SCFD1: variants seen among roughly 807,000 people sequenced by gnomAD.
SCFD1 encodes sec1 family domain containing 1.
Under a neutral mutation model 103.2 loss-of-function variants are expected in SCFD1, and 37 were observed. The ratio of observed to expected loss-of-function variants is 0.36; its 90% CI spans 0.28 to 0.47. The LOEUF (loss-of-function observed/expected upper bound fraction) is 0.47, where lower values mean the gene tolerates loss of function less well. Among genes scored for constraint, SCFD1 ranks in the 20% least tolerant of loss-of-function variants. SCFD1 has a pLI of 1.00. For synonymous variants in SCFD1, 264 were observed against 245.0 expected (o/e 1.08, Z -0.73); for missense variants, 639 against 761.2 (o/e 0.84, Z 1.89).
At chr14:30,720,834 A>G (rs969913369) in intron 21 of SCFD1, among the ~76,000 whole-genome samples, 1 of 152,198 alleles carries the variant, frequency 6.6e-6, no homozygotes, top group Non-Finnish European at 1.5e-5. Context: ...TCCTGGAACC[A>G]GTCCTTCATG....
chr14:30,673,680 T>C (rs1888757472), intron 12 of SCFD1, among the ~76,000 whole-genome samples: 2 of 152,206 alleles, frequency 1.3e-5, no homozygotes, highest in Admixed American at 6.5e-5. Context: ...TGTCTCCTTA[T>C]CCAAAAATGC....
intron 23 of SCFD1, among the ~76,000 whole-genome samples, chr14:30,730,456 C>G (rs1887802014): frequency 6.6e-6 from 1 of 152,212 alleles, no homozygotes; most frequent in Non-Finnish European, 1.5e-5. Flanking sequence ...AATGGTTGAA[C>G]TAGTTTACAG....
intron 6 of SCFD1, among the ~76,000 whole-genome samples, chr14:30,642,634 C>T (rs1421576465): frequency 6.6e-6 from 1 of 152,018 alleles, no homozygotes; most frequent in Non-Finnish European, 1.5e-5. Context: ...ATTTGCATTT[C>T]CTTTTCTGGC....
intron 10 of SCFD1, among the ~76,000 whole-genome samples, chr14:30,660,434 C>G (rs1001841619): frequency 8.5e-5 from 13 of 152,206 alleles, no homozygotes; most frequent in Middle Eastern, 3.4e-3. Context: ...TGTTAGTGAA[C>G]AGATTGATCA....
chr14:30,657,560 A>G (rs1887028529), intron 10 of SCFD1, among the ~76,000 whole-genome samples: 1 of 152,208 alleles, frequency 6.6e-6, no homozygotes, highest in South Asian at 2.1e-4. Context: ...AAAGTTGGGA[A>G]TCTTTGAAGA....
chr14:30,705,853 C>G lies in SCFD1; in HGVS notation c.1521C>G (p.Ala507=). Residue 507 remains alanine (A), a synonymous_variant, in exon 18 of 25, where the codon GCC becomes GCG. Transcript: ENST00000458591. The stretch of plus-strand genomic sequence containing the variant: ...TTACCAAGATGGCCTCAGCTCCGGC[C>G]AGCTATGGCAGCACTACCACTAAAC... ...KAFTKMASAP[A]SYGSTTTKPM... 6.2e-7 allele frequency: 1 copy of G among 1,613,770 alleles called. No individual in the cohort carries two copies. Among genetic ancestry groups the G allele is most frequent in the Non-Finnish European group, 8.5e-7 (1 of 1,179,802 alleles).
At chr14:30,694,064 T>TA (rs1291582390) in intron 14 of SCFD1, among the ~76,000 whole-genome samples, 1 of 152,006 alleles carries the variant, frequency 6.6e-6, no homozygotes, top group Non-Finnish European at 1.5e-5. Flanking sequence ...AAAGTTTTTT[T>TA]AAAAAAACAA....
At position 30,626,921 on chromosome 14, in the gene SCFD1, TGA is replaced by T. The variant is rs541942374; in HGVS notation, c.62-1286_62-1285del. Among the ~76,000 whole-genome samples the T allele has an allele frequency of 2.8e-4, 43 of 152,352 alleles. No individual in the cohort carries two copies. The East Asian group carries it at 7.1e-3, about 25-fold the overall frequency. On this transcript the variant is annotated intron_variant, in intron 1 of 24. Transcript: ENST00000458591. ...AAGCATTTAATAGAAGTTTTTCTTG[TGA>T]GTGAATGAATATGCTGTAAGTTGAT...
At chr14:30,631,782 A>G (rs1409705371) in intron 3 of SCFD1, among the ~76,000 whole-genome samples, 1 of 152,188 alleles carries the variant, frequency 6.6e-6, no homozygotes, top group Admixed American at 6.5e-5. Context: ...ACAGTGGCTC[A>G]TGCCAGTAAT....
chr14:30,714,360 CAAAA>C (rs11362201), intron 19 of SCFD1, among the ~76,000 whole-genome samples: 1 of 96,972 alleles, frequency 1.0e-5, no homozygotes, highest in Non-Finnish European at 2.4e-5. Context: ...GACTCCGTCT[CAAAA>C]AAAAAAAAAA....
At chr14:30,711,660 G>A (rs2139377136) in intron 19 of SCFD1, among the ~76,000 whole-genome samples, 1 of 152,216 alleles carries the variant, frequency 6.6e-6, no homozygotes, top group African/African-American at 2.4e-5. Flanking sequence ...ATACCTCAGT[G>A]AATCTGCAGA....
intron 1 of SCFD1, among the ~76,000 whole-genome samples, chr14:30,625,604 GGTATAGGTATACCTA>G: frequency 2.4e-5 from 1 of 41,648 alleles, no homozygotes; most frequent in East Asian, 1.6e-3. Context: ...TTTTGTTATA[GGTATAGGTATACCTA>G]TATAGGTATA....
At chr14:30,652,356 G>C (rs924002005) in intron 9 of SCFD1, 4 of 152,030 alleles carry the variant, frequency 2.6e-5, no homozygotes, top group Non-Finnish European at 5.9e-5. Context: ...TGTAATAATG[G>C]AGCAACAGTA....
rs991265267 is a variant in SCFD1 at position 30,650,642 on chromosome 14, C to T, written c.747C>T (p.Gly249=). 3.2e-6 allele frequency: 5 copies of T among 1,574,554 alleles called. No individual in the cohort carries two copies. The highest frequency in any genetic ancestry group is 4.4e-6 in the Non-Finnish European group (5 of 1,145,358). ...SLFTGDTLGA[G]QFSFQRPLLV... is the part of the protein sequence containing the mutation. ...TTACAGGTGATACACTTGGAGCTGGCCAATTCAGGTATTACTGTTATTAAA... is the reference window on the plus strand; with the variant it reads ...TTACAGGTGATACACTTGGAGCTGGTCAATTCAGGTATTACTGTTATTAAA... The change falls in exon 9 of 25, where the codon GGC becomes GGT. Residue 249 remains glycine (G), a synonymous_variant. Transcript: ENST00000458591.
chr14:30,643,549 A>G (rs548461529), intron 7 of SCFD1, 144 bp downstream of exon 7: 17 of 611,360 alleles, frequency 2.8e-5, no homozygotes, highest in African/African-American at 9.3e-5. Context: ...ATTCAATAGT[A>G]TATAAAAACA....
At chr14:30,637,847 G>A (rs1054285704) in intron 4 of SCFD1, among the ~76,000 whole-genome samples, 18 of 152,092 alleles carry the variant, frequency 1.2e-4, no homozygotes, top group Admixed American at 8.5e-4. Flanking sequence ...ATTTTAAGAA[G>A]AATGCAGATA....
chr14:30,706,313 G>A (rs1019937398), intron 18 of SCFD1, among the ~76,000 whole-genome samples: 3 of 152,108 alleles, frequency 2.0e-5, no homozygotes, highest in African/African-American at 7.2e-5. Flanking sequence ...CTGTGTGGAT[G>A]AGTAAACACA....
intron 15 of SCFD1, among the ~76,000 whole-genome samples, chr14:30,695,774 A>AG (rs971740495): frequency 4.5e-4 from 69 of 151,988 alleles, no homozygotes; most frequent in African/African-American, 1.7e-3. Flanking sequence ...TGGGAGACTG[A>AG]GGTGGGAGGA....
At chr14:30,637,589 T>C (rs1884855269) in intron 4 of SCFD1, among the ~76,000 whole-genome samples, 1 of 152,180 alleles carries the variant, frequency 6.6e-6, no homozygotes, top group African/African-American at 2.4e-5. Context: ...TAAGGAAGTA[T>C]GGTTATTTCG....
Sources: gnomAD v4.1 joint callset for allele counts (sites outside exome capture counted in the v4.1 genomes callset) on GRCh38, gnomAD v4.1.1 for gene constraint, MANE v1.5 for transcripts, NCBI Gene and HGNC (gene_info 2026-07-23, HGNC 2026-07-21) for gene names.